The following PRDM10 variants were observed in gnomAD, a reference collection of about 807,000 sequenced individuals.
The protein encoded by PRDM10 is PR domain zinc finger protein 10.
A neutral mutation model predicts 133.1 loss-of-function variants in PRDM10; 65 were observed. The ratio of observed to expected loss-of-function variants is 0.49; its 90% CI spans 0.40 to 0.60. The LOEUF (loss-of-function observed/expected upper bound fraction) is 0.60, where lower values mean the gene tolerates loss of function less well. Among genes scored for constraint, PRDM10 ranks in the 20% least tolerant of loss-of-function variants. The pLI is 0.00. For missense variants in PRDM10, 1,137 were observed against 1,507.1 expected (o/e 0.75, Z 4.07); for synonymous variants, 582 against 580.4 (o/e 1.00, Z -0.04).
At chr11:129,987,393 G>T (rs1044949171) in intron 1 of PRDM10, among the ~76,000 whole-genome samples, 2 of 152,074 alleles carry the variant, frequency 1.3e-5, no homozygotes, top group Non-Finnish European at 2.9e-5. Flanking sequence ...AACCACTGTG[G>T]GTAAGGATGA....
intron 1 of PRDM10, among the ~76,000 whole-genome samples, chr11:129,980,869 T>G (rs972446087): frequency 9.9e-5 from 14 of 141,450 alleles, no homozygotes; most frequent in Admixed American, 2.1e-4. Flanking sequence ...TGGTTTTTTT[T>G]TTTTTTTTTT....
chr11:129,931,967 T>C (rs1950882508), intron 10 of PRDM10, 135 bp downstream of exon 10: 1 of 1,176,294 alleles, frequency 8.5e-7, no homozygotes. Flanking sequence ...CAATCATTCT[T>C]TAATTAACAG....
At chr11:129,995,722 G>A (rs1031743365) in intron 1 of PRDM10, among the ~76,000 whole-genome samples, 5 of 152,208 alleles carry the variant, frequency 3.3e-5, no homozygotes, top group East Asian at 3.9e-4. Context: ...GAGGCAGGCC[G>A]ATCACCTGAG....
chr11:129,946,702 C>T (rs917669840), intron 5 of PRDM10, among the ~76,000 whole-genome samples: 1 of 152,140 alleles, frequency 6.6e-6, no homozygotes, highest in East Asian at 1.9e-4. Flanking sequence ...AGGTAGTAGA[C>T]TCAGGGCACT....
At chr11:129,998,545 T>C (rs1310146210) in intron 1 of PRDM10, among the ~76,000 whole-genome samples, 1 of 152,266 alleles carries the variant, frequency 6.6e-6, no homozygotes, top group Admixed American at 6.5e-5. Flanking sequence ...ATTGATTTTA[T>C]AATTGTTTTC....
chr11:129,935,279 A>T, intron 8 of PRDM10, 61 bp from the exon 9 acceptor site: 1 of 1,226,740 alleles, frequency 8.2e-7, no homozygotes, highest in East Asian at 2.3e-5. Context: ...TAAAACTCAA[A>T]AGTCTGCGAT....
At chr11:129,934,866 A>G (rs1950977446) in intron 9 of PRDM10, among the ~76,000 whole-genome samples, 1 of 152,248 alleles carries the variant, frequency 6.6e-6, no homozygotes, top group Non-Finnish European at 1.5e-5. Context: ...AGGGAGATTT[A>G]CCTAAGGTGA....
intron 17 of PRDM10, among the ~76,000 whole-genome samples, chr11:129,912,797 C>G (rs944764043): frequency 4.7e-5 from 7 of 149,106 alleles, no homozygotes; most frequent in African/African-American, 1.7e-4. Flanking sequence ...CAGTGGCTCA[C>G]CCCTGTAATC....
chr11:129,944,714 G>A (rs1951347296), intron 6 of PRDM10, 57 bp downstream of exon 6: 2 of 1,594,678 alleles, frequency 1.3e-6, no homozygotes, highest in Non-Finnish European at 8.5e-7. Flanking sequence ...AGACAACGCA[G>A]TGCTCCTTCA....
chr11:129,914,614 A>G (rs1168530560), intron 17 of PRDM10, 90 bp downstream of exon 17: 2 of 1,544,966 alleles, frequency 1.3e-6, no homozygotes, highest in Non-Finnish European at 1.8e-6. Context: ...GCAGAAGGAC[A>G]TTACATAGAT....
At chr11:129,922,734 T>C (rs1466434794) in intron 13 of PRDM10, among the ~76,000 whole-genome samples, 1 of 152,242 alleles carries the variant, frequency 6.6e-6, no homozygotes, top group Non-Finnish European at 1.5e-5. Context: ...GCTCGGCTTC[T>C]TCTAAGTTCC....
intron 12 of PRDM10, among the ~76,000 whole-genome samples, chr11:129,924,582 T>C (rs1208321120): frequency 6.6e-6 from 1 of 152,248 alleles, no homozygotes; most frequent in African/African-American, 2.4e-5. Context: ...GCTCGGTATA[T>C]TTTATAAGCA....
chr11:129,933,906 G>A (rs1053249117), intron 9 of PRDM10, among the ~76,000 whole-genome samples: 1 of 152,040 alleles, frequency 6.6e-6, no homozygotes, highest in Admixed American at 6.5e-5. Flanking sequence ...CACTACCCTG[G>A]CTCTGTAGTT....
chr11:129,981,515 T>C (rs1938110174), intron 1 of PRDM10, among the ~76,000 whole-genome samples: 1 of 152,240 alleles, frequency 6.6e-6, no homozygotes. Context: ...CTTAACAGTA[T>C]GCTGTGGACA....
At chr11:129,972,340 G>A (rs1471818497) in intron 1 of PRDM10, among the ~76,000 whole-genome samples, 2 of 152,250 alleles carry the variant, frequency 1.3e-5, no homozygotes, top group African/African-American at 4.8e-5. Flanking sequence ...GAGGTGCCGA[G>A]AGCGAGCGAG....
At position 129,923,718 on chromosome 11, in the gene PRDM10, T is replaced by G. The variant is rs908199443; in HGVS notation, c.1879-315A>C. Among the ~76,000 whole-genome samples, 38 of 136,798 alleles carry G rather than the reference T, an allele frequency of 2.8e-4. No homozygotes were observed. The highest frequency in any genetic ancestry group is 4.5e-4 in the Non-Finnish European group (30 of 66,098). The allele number at this position is 136,798 out of a possible 152,430, so 89.7% of individuals were successfully genotyped here. A position where few individuals can be genotyped will look rare whatever the true frequency, so the allele number is the denominator to read the frequency against. On this transcript the variant is annotated intron_variant, in intron 12 of 20. Coordinates refer to ENST00000360871, the MANE Select transcript of PRDM10 (RefSeq NM_199437.2). The surrounding 1 kb of genome is among the most constrained non-coding windows in gnomAD (Gnocchi z 4.4). Reference sequence around the variant, plus strand: ...AGTGCTTGCTTGGTCAAAGCCCTGATCACTTGAAGCCCATTTTTTAAAGAT... The same window carrying G: ...AGTGCTTGCTTGGTCAAAGCCCTGAGCACTTGAAGCCCATTTTTTAAAGAT...
chr11:129,944,940 C>A lies in PRDM10; in HGVS notation c.593G>T (p.Arg198Leu). Residue 198 changes from arginine to leucine, a missense_variant, in exon 6 of 21, where the codon CGG becomes CTG. Transcript: ENST00000360871. ...KHGPLHPIPN[R>L]PVLTRARASL... ...CGCCCTGGCCCGGGTGAGCACCGGCCGGTTGGGGATCGGGTGCAAGGGGCC... is the reference window on the plus strand; with the variant it reads ...CGCCCTGGCCCGGGTGAGCACCGGCAGGTTGGGGATCGGGTGCAAGGGGCC... 6.2e-7 allele frequency: 1 copy of A among 1,613,760 alleles called. No individual in the cohort carries two copies. The highest frequency in any genetic ancestry group is 1.1e-5 in the South Asian group (1 of 91,066).
At chr11:129,916,133 A>G (rs1950349491) in intron 15 of PRDM10, among the ~76,000 whole-genome samples, 1 of 152,224 alleles carries the variant, frequency 6.6e-6, no homozygotes, top group Non-Finnish European at 1.5e-5. Flanking sequence ...CCTAAAGTTT[A>G]AAATTTGGAT....
At chr11:129,954,914 CT>C (rs1364908039) in intron 4 of PRDM10, among the ~76,000 whole-genome samples, 9 of 152,210 alleles carry the variant, frequency 5.9e-5, no homozygotes, top group African/African-American at 2.2e-4. Context: ...CCACCTCAGC[CT>C]CCCAAAGTGC....
Sources: gnomAD v4.1 joint callset for allele counts (sites outside exome capture counted in the v4.1 genomes callset) on GRCh38, gnomAD v4.1.1 for gene constraint, Gnocchi (gnomAD v3.1) non-coding constraint, MANE v1.5 for transcripts, NCBI Gene and HGNC (gene_info 2026-07-23, HGNC 2026-07-21) for gene names.